CHD7: variants seen among roughly 807,000 people sequenced by gnomAD.
The protein encoded by CHD7 is chromodomain helicase DNA binding protein 7.
Under a neutral mutation model 307.3 loss-of-function variants are expected in CHD7, and 24 were observed. The ratio of observed to expected loss-of-function variants is 0.08; its 90% confidence interval spans 0.06 to 0.11. The LOEUF is 0.11. CHD7 is among the 10% of genes least tolerant of loss of function. The pLI is 1.00. For synonymous variants in CHD7, 1,363 were observed against 1,349.9 expected, an observed-to-expected ratio of 1.01 and a Z score of -0.21; for missense variants, 3,106 against 3,727.1, an observed-to-expected ratio of 0.83 and a Z score of 4.34.
chr8:60,782,037 G>T (rs981957187), intron 3 of CHD7, among the ~76,000 whole-genome samples: 1 of 152,120 alleles, frequency 6.6e-6, no homozygotes, highest in Non-Finnish European at 1.5e-5. Context: ...TTCTCTGACC[G>T]CTCCCCCAAT....
chr8:60,848,760 G>A (rs1805321992), intron 24 of CHD7, among the ~76,000 whole-genome samples, 156 bp downstream of exon 24: 1 of 152,154 alleles, frequency 6.6e-6, no homozygotes, highest in African/African-American at 2.4e-5. Flanking sequence ...GCTTGGGGAT[G>A]TGATGAGAAT....
chr8:60,851,159 C>T lies in CHD7; in HGVS notation c.5607+55C>T. ...GCTCCATTAAAATATTATATGCCCACATAAGACTTGTTAAACTTTATAGAT... is the reference window on the plus strand; with the variant it reads ...GCTCCATTAAAATATTATATGCCCATATAAGACTTGTTAAACTTTATAGAT... On this transcript the variant is annotated intron_variant, in intron 27 of 37. Transcript: ENST00000423902. The T allele has an allele frequency of 6.1e-6, 9 of 1,477,258 alleles. No individual in the cohort carries two copies. The South Asian group carries it at 8.5e-5, about 14-fold the overall frequency. The allele number at this position is 1,477,258 out of a possible 1,614,324, so 91.5% of individuals were successfully genotyped here.
At chr8:60,724,023 C>G (rs72650469) in intron 1 of CHD7, among the ~76,000 whole-genome samples, 3 of 152,194 alleles carry the variant, frequency 2.0e-5, no homozygotes, top group Admixed American at 2.0e-4. Flanking sequence ...AAGCATTTGC[C>G]TTTTCACTAT....
chr8:60,806,498 C>T (rs1812543094), intron 6 of CHD7, among the ~76,000 whole-genome samples: 1 of 152,158 alleles, frequency 6.6e-6, no homozygotes, highest in Non-Finnish European at 1.5e-5. Context: ...GTTGCTGGTT[C>T]TTGAAGCCAT....
chr8:60,847,592 T>C (rs957955311), intron 23 of CHD7, among the ~76,000 whole-genome samples: 1 of 152,220 alleles, frequency 6.6e-6, no homozygotes, highest in African/African-American at 2.4e-5. Context: ...CCAAGAAGGC[T>C]GCGATTCACG....
chr8:60,719,490 C>G (rs1242742024), intron 1 of CHD7, among the ~76,000 whole-genome samples: 1 of 152,056 alleles, frequency 6.6e-6, no homozygotes, highest in Non-Finnish European at 1.5e-5. Context: ...CTCAGACTGA[C>G]ACATTCTTAC....
rs765674058 is a variant in CHD7, at chr8:60,742,303, A to C, written c.871A>C (p.Asn291His). The C allele has an allele frequency of 1.2e-6, 2 of 1,613,818 alleles. No individual in the cohort carries two copies. Among genetic ancestry groups the C allele is most frequent in the Admixed American group, 1.7e-5 (1 of 60,000 alleles). The change falls in exon 2 of 38, where the codon AAC (asparagine) becomes CAC (histidine). Residue 291 changes from asparagine to histidine, a missense_variant. Coordinates refer to ENST00000423902, the MANE Select transcript of CHD7 (RefSeq NM_017780.4). Reference sequence around the variant, plus strand: ...AGGGGCTGTTAGGCCGCAAACCCTTAACTTTAGTTCTCGGAGCCAGACAGT... The same window carrying C: ...AGGGGCTGTTAGGCCGCAAACCCTTCACTTTAGTTCTCGGAGCCAGACAGT... ...QQGAVRPQTLNFSSRSQTVPS... is the reference protein window; with the variant it reads ...QQGAVRPQTLHFSSRSQTVPS...
chr8:60,714,098 G>GTGGGCCGGGC (rs1302766236), intron 1 of CHD7, among the ~76,000 whole-genome samples: 1 of 151,858 alleles, frequency 6.6e-6, no homozygotes, highest in South Asian at 2.1e-4. Flanking sequence ...GGCGGGCGGG[G>GTGGGCCGGGC]TGGGCCGGGC....
Position 60,830,443 on chromosome 8 carries a change from A to G in CHD7, c.3644A>G (p.Lys1215Arg). ...IIEVELTNIQ[K>R]KYYRAILEKN... is the part of the protein sequence containing the mutation. ...GAAGTTGAGCTAACAAACATTCAGA[A>G]GAAATATTACCGAGCCATCCTTGAG... The change falls in exon 15 of 38, where the codon AAG (lysine) becomes AGG (arginine). Residue 1215 changes from lysine to arginine, a missense_variant. Around this residue, in one of 10 missense-constraint regions of CHD7, gnomAD observed 232 missense variants for 422.5 expected, o/e 0.55. Transcript: ENST00000423902. 6.2e-7 allele frequency: 1 copy of G among 1,614,048 alleles called. No individual in the cohort carries two copies. The highest frequency in any genetic ancestry group is 8.5e-7 in the Non-Finnish European group (1 of 1,179,892).
intron 2 of CHD7, among the ~76,000 whole-genome samples, chr8:60,761,981 A>G (rs953548702): frequency 1.3e-5 from 2 of 152,132 alleles, no homozygotes; most frequent in Non-Finnish European, 2.9e-5. Flanking sequence ...TGGGCTGGTC[A>G]GGATCTGATA....
At chr8:60,847,574 A>G (rs1180062691) in intron 23 of CHD7, among the ~76,000 whole-genome samples, 1 of 152,178 alleles carries the variant, frequency 6.6e-6, no homozygotes, top group Non-Finnish European at 1.5e-5. Context: ...ATTACCATGT[A>G]CTCATGGCCA....
intron 3 of CHD7, among the ~76,000 whole-genome samples, chr8:60,791,901 G>A (rs1344597822): frequency 6.6e-6 from 1 of 152,180 alleles, no homozygotes; most frequent in Non-Finnish European, 1.5e-5. Context: ...AGTGAAGGGG[G>A]TCCTGTCTGT....
rs921281492 is a variant in CHD7 at position 60,808,142 on chromosome 8, G to A, written c.2443-75G>A. ...TTTCAGTCCTATTTTGTGCTCATATGGGAGTAAATCATTACTTTTAAAATA... is the reference window on the plus strand; with the variant it reads ...TTTCAGTCCTATTTTGTGCTCATATAGGAGTAAATCATTACTTTTAAAATA... On this transcript the variant is annotated intron_variant, in intron 6 of 37. Transcript: ENST00000423902. The A allele has an allele frequency of 3.0e-5, 29 of 979,044 alleles. 1 individual carries two copies. The South Asian group carries it at 3.8e-4, about 13-fold the overall frequency. The allele number at this position is 979,044 out of a possible 1,614,324, so 60.6% of individuals were successfully genotyped here. A position where few individuals can be genotyped will look rare whatever the true frequency, so the allele number is the denominator to read the frequency against.
intron 1 of CHD7, among the ~76,000 whole-genome samples, chr8:60,699,524 A>T (rs1422540279): frequency 2.6e-5 from 4 of 151,206 alleles, no homozygotes; most frequent in African/African-American, 4.9e-5. Flanking sequence ...CTTAAAAAAA[A>T]ATTTTTTTTT....
In CHD7 at chr8:60,852,842, C is replaced by T; in HGVS notation, c.6117C>T (p.Leu2039=). Residue 2039 remains leucine (L), a synonymous_variant, in exon 31 of 38, where the codon CTC becomes CTT. Coordinates refer to ENST00000423902, the MANE Select transcript of CHD7 (RefSeq NM_017780.4). ...PVKPDDEPPD[L]SSIIEPITEE... is the part of the protein sequence containing the mutation. Reference sequence around the variant, plus strand: ...TCTGTGTTACAGAACCGCCCGACCTCTCCTCCATAATTGAGCCGATCACAG... The same window carrying T: ...TCTGTGTTACAGAACCGCCCGACCTTTCCTCCATAATTGAGCCGATCACAG... 6.2e-7 allele frequency: 1 copy of T among 1,612,494 alleles called. No homozygotes were observed. Among genetic ancestry groups the T allele is most frequent in the East Asian group, 2.2e-5 (1 of 44,828 alleles).
rs1805695478 is a variant in CHD7 at position 60,856,133 on chromosome 8, G to A, written c.7095G>A (p.Glu2365=). 6.2e-7 allele frequency: 1 copy of A among 1,609,336 alleles called. No homozygotes were observed. Among genetic ancestry groups the A allele is most frequent in the South Asian group, 1.1e-5 (1 of 90,012 alleles). ...DSPLQKRSFA[E]LSMVGQASIS... Reference sequence around the variant, plus strand: ...CCTTGCAGAAGAGGAGCTTTGCTGAGCTCTCCATGGTCGGCCAAGCCAGCA... The same window carrying A: ...CCTTGCAGAAGAGGAGCTTTGCTGAACTCTCCATGGTCGGCCAAGCCAGCA... Residue 2365 remains glutamate, a synonymous_variant, in exon 33 of 38, where the codon GAG becomes GAA. Coordinates refer to ENST00000423902, the MANE Select transcript of CHD7 (RefSeq NM_017780.4).
rs1234159352 is a variant in CHD7, at chr8:60,866,463, C to T, written c.*530C>T. On this transcript the variant is annotated 3_prime_UTR_variant, in exon 38 of 38. Transcript: ENST00000423902. ...CATCCATACACTCTGACAATCTCCA[C>T]GCTAGTGTGAACGCCTCTGTCCCGA... 6.6e-6 allele frequency: 1 copy of T among 152,652 alleles called. No homozygotes were observed. Among genetic ancestry groups the T allele is most frequent in the Non-Finnish European group, 1.5e-5 (1 of 68,092 alleles). 9.5% of individuals were successfully genotyped at this position (152,652 alleles called of 1,614,324 possible). A position where few individuals can be genotyped will look rare whatever the true frequency, so the allele number is the denominator to read the frequency against.
chr8:60,779,629 G>A (rs941495282), intron 2 of CHD7, among the ~76,000 whole-genome samples: 1 of 152,216 alleles, frequency 6.6e-6, no homozygotes, highest in Non-Finnish European at 1.5e-5. Context: ...CGAATTTACA[G>A]TACCTGTATT....
chr8:60,820,122 T>A, intron 9 of CHD7, 32 bp downstream of exon 9: 1 of 1,428,272 alleles, frequency 7.0e-7, no homozygotes, highest in Non-Finnish European at 9.8e-7. Context: ...TACAAAGTGG[T>A]GATTCAGGCA....
Sources: gnomAD v4.1 joint callset for allele counts (sites outside exome capture counted in the v4.1 genomes callset) on GRCh38, gnomAD v4.1.1 for gene constraint, gnomAD v4.1.1 regional missense constraint, MANE v1.5 for transcripts, NCBI Gene and HGNC (gene_info 2026-07-23, HGNC 2026-07-21) for gene names.